Variants in MTHFS observed in about 807,000 individuals in gnomAD.
MTHFS encodes the protein 5-formyltetrahydrofolate cyclo-ligase.
In MTHFS, 7 loss-of-function variants were observed where a neutral mutation model predicts 12.7. That is an observed-to-expected ratio of 0.55 (90% CI 0.31 to 1.03). MTHFS has a LOEUF of 1.03. Ranked by LOEUF, MTHFS falls within the 50% of genes least tolerant of loss-of-function variation. The pLI is 0.05. For synonymous variants in MTHFS, 100 were observed against 97.1 expected (o/e 1.03, Z -0.18); for missense variants, 252 against 258.1 (o/e 0.98, Z 0.16).
At chr15:79,885,107 C>G (rs1269722726) in intron 2 of MTHFS, among the ~76,000 whole-genome samples, 3 of 152,168 alleles carry the variant, frequency 2.0e-5, no homozygotes, top group African/African-American at 4.8e-5. Flanking sequence ...GCAACCCTAA[C>G]AAAGAAAGAA....
chr15:79,848,117 A>G (rs1221409578), intron 2 of MTHFS, among the ~76,000 whole-genome samples: 1 of 152,276 alleles, frequency 6.6e-6, no homozygotes, highest in Non-Finnish European at 1.5e-5. Context: ...CGATGGATGA[A>G]CGAACAAACC....
intron 2 of MTHFS, among the ~76,000 whole-genome samples, chr15:79,873,013 C>T (rs531453470): frequency 9.2e-5 from 14 of 152,182 alleles, no homozygotes; most frequent in Admixed American, 2.6e-4. Flanking sequence ...GCAAGTAGGA[C>T]GCAGTCAACA....
At chr15:79,897,025 C>T (rs1477693218), upstream of MTHFS, 3 of 1,491,356 alleles carry the variant, frequency 2.0e-6, no homozygotes, top group Admixed American at 4.3e-5. Context: ...GCCCTCGGCG[C>T]CCTGGGCGCC....
chr15:79,863,532 A>G (rs1168061543), intron 2 of MTHFS, among the ~76,000 whole-genome samples: 4 of 152,200 alleles, frequency 2.6e-5, no homozygotes, highest in African/African-American at 7.2e-5. Flanking sequence ...CCATCTGGAC[A>G]TCATTCTCTC....
chr15:79,865,864 T>A (rs985479514), intron 2 of MTHFS, among the ~76,000 whole-genome samples: 20 of 152,218 alleles, frequency 1.3e-4, no homozygotes, highest in African/African-American at 4.3e-4. Context: ...GTTTACTGCA[T>A]CTTTCTCAAG....
chr15:79,878,292 A>G (rs1228479306), intron 2 of MTHFS: 2 of 151,972 alleles, frequency 1.3e-5, no homozygotes, highest in African/African-American at 2.4e-5. Context: ...ACTCAGACCC[A>G]GCAGACTCAA....
intron 2 of MTHFS, among the ~76,000 whole-genome samples, chr15:79,874,248 G>C (rs367993062): frequency 4.0e-5 from 6 of 151,358 alleles, no homozygotes; most frequent in African/African-American, 1.2e-4. Context: ...TTAGTCAAAG[G>C]CTTACACCAA....
At chr15:79,865,812 C>T (rs117441764) in intron 2 of MTHFS, among the ~76,000 whole-genome samples, 551 of 152,320 alleles carry the variant, frequency 3.6e-3, no homozygotes, top group Middle Eastern at 6.8e-3. Flanking sequence ...AAGCTCCCTC[C>T]GGCAGGTGCC....
At chr15:79,864,710 C>T (rs192851378) in intron 2 of MTHFS, among the ~76,000 whole-genome samples, 296 of 152,176 alleles carry the variant, frequency 1.9e-3, no homozygotes, top group Non-Finnish European at 3.9e-3. Flanking sequence ...TTAGTACCCC[C>T]TTGCTTGGCA....
intron 2 of MTHFS, among the ~76,000 whole-genome samples, chr15:79,869,624 G>C (rs2034069194): frequency 6.6e-6 from 1 of 152,040 alleles, no homozygotes; most frequent in African/African-American, 2.4e-5. Flanking sequence ...TGTAGAGATG[G>C]GGTCTCATTA....
At chr15:79,849,111 G>A (rs1309232009) in intron 2 of MTHFS, among the ~76,000 whole-genome samples, 1 of 152,190 alleles carries the variant, frequency 6.6e-6, no homozygotes, top group East Asian at 1.9e-4. Context: ...CTCGGAAACA[G>A]CCCTTCCTAG....
rs559115609 is a variant in MTHFS, at chr15:79,851,883, G to A, written c.380-6441C>T. 3.9e-5 allele frequency among the ~76,000 whole-genome samples: 6 copies of A among 152,336 alleles called. No homozygotes were observed. In the South Asian group the frequency reaches 1.2e-3, roughly 32 times the overall value. ...AGGTAGTACAGGAGAGGGGTTAAGT[G>A]TGTAGGATTCTAGACAGGCTGCCTG... On this transcript the variant is annotated intron_variant, in intron 2 of 2. Transcript: ENST00000258874.
chr15:79,855,923 G>A (rs1038598230), intron 2 of MTHFS, among the ~76,000 whole-genome samples: 2 of 152,178 alleles, frequency 1.3e-5, no homozygotes, highest in African/African-American at 4.8e-5. Context: ...ACTATTGATG[G>A]GCATTTAGGC....
intron 1 of MTHFS, among the ~76,000 whole-genome samples, chr15:79,892,254 G>A (rs540994484): frequency 1.3e-5 from 2 of 152,260 alleles, no homozygotes; most frequent in Middle Eastern, 3.4e-3. Context: ...ACTCAGAAGT[G>A]GAGTAAGGAG....
upstream of MTHFS, chr15:79,897,027 C>G (rs543660159): frequency 1.3e-6 from 2 of 1,490,994 alleles, no homozygotes; most frequent in Non-Finnish European, 1.8e-6. Context: ...CCTCGGCGCC[C>G]TGGGCGCCCT....
intron 2 of MTHFS, among the ~76,000 whole-genome samples, chr15:79,883,975 C>T (rs937411099): frequency 1.3e-5 from 2 of 152,196 alleles, no homozygotes; most frequent in African/African-American, 4.8e-5. Context: ...CTATGCTTGA[C>T]CACTCAACAT....
At chr15:79,846,720 T>G (rs2032706807) in intron 2 of MTHFS, among the ~76,000 whole-genome samples, 1 of 152,240 alleles carries the variant, frequency 6.6e-6, no homozygotes, top group South Asian at 2.1e-4. Flanking sequence ...ACCTCTGTCT[T>G]TCCTCCCTGT....
intron 2 of MTHFS, among the ~76,000 whole-genome samples, chr15:79,856,768 T>A (rs929610537): frequency 6.6e-6 from 1 of 151,860 alleles, no homozygotes; most frequent in African/African-American, 2.4e-5. Context: ...TGTGTTTCCT[T>A]ACCACAACAA....
intron 1 of MTHFS, among the ~76,000 whole-genome samples, chr15:79,895,102 T>C (rs1418315940): frequency 2.0e-5 from 3 of 152,204 alleles, no homozygotes; most frequent in Non-Finnish European, 2.9e-5. Context: ...ATCCATTTTA[T>C]AGACAAGGAA....
Sources: gnomAD v4.1 joint callset for allele counts (sites outside exome capture counted in the v4.1 genomes callset) on GRCh38, gnomAD v4.1.1 for gene constraint, MANE v1.5 for transcripts, NCBI Gene and HGNC (gene_info 2026-07-23, HGNC 2026-07-21) for gene names.